The following TRAPPC5 variants were observed in gnomAD, a reference collection of about 807,000 sequenced individuals.
The protein encoded by TRAPPC5 is trafficking protein particle complex subunit 5, also known as trafficking protein particle complex 5.
In TRAPPC5, 5 loss-of-function variants were observed where a neutral mutation model predicts 9.8. The ratio of observed to expected loss-of-function variants is 0.51; its 90% CI spans 0.27 to 1.07. TRAPPC5 has a LOEUF of 1.07. TRAPPC5 is among the 50% of genes least tolerant of loss of function. TRAPPC5 has a pLI of 0.12. For synonymous variants in TRAPPC5, 146 were observed against 140.7 expected, an observed-to-expected ratio of 1.04 and a Z score of -0.26; for missense variants, 243 against 291.5, an observed-to-expected ratio of 0.83 and a Z score of 1.21.
Position 7,683,465 on chromosome 19 carries a change from C to A in TRAPPC5, c.*645C>A, listed in dbSNP as rs1159511134. Reference sequence around the variant, plus strand: ...GAACTCCTCATCTCAGGTGATCCGCCCACTTCAGCCTCCCAAAGTGCTGGG... The same window carrying A: ...GAACTCCTCATCTCAGGTGATCCGCACACTTCAGCCTCCCAAAGTGCTGGG... On this transcript the variant is annotated 3_prime_UTR_variant, in exon 2 of 2. Transcript: ENST00000596148. 6.6e-6 allele frequency: 1 copy of A among 152,348 alleles called. No individual in the cohort carries two copies. The highest frequency in any genetic ancestry group is 1.5e-5 in the Non-Finnish European group (1 of 68,336). The allele number at this position is 152,348 out of a possible 1,614,324, so 9.4% of individuals were successfully genotyped here.
rs1431018814 is a variant in TRAPPC5 at position 7,682,671 on chromosome 19, G to T, written c.418G>T (p.Ala140Ser). The T allele has an allele frequency of 1.2e-6, 2 of 1,613,704 alleles. No homozygotes were observed. Among genetic ancestry groups the T allele is most frequent in the African/African-American group, 1.3e-5 (1 of 74,920 alleles). Residue 140 changes from alanine to serine, a missense_variant, in exon 2 of 2, where the codon GCC becomes TCC. This residue lies in a region of TRAPPC5 where 154 missense variants were observed against 215.8 expected (regional missense o/e 0.71). Coordinates refer to ENST00000596148, the MANE Select transcript of TRAPPC5 (RefSeq NM_001042462.2). The surrounding 1 kb of genome is among the most constrained non-coding windows in gnomAD (Gnocchi z 8.6). ...VPKENSTLNC[A>S]SFTAGIVEAV... is the part of the protein sequence containing the mutation. ...CAAGGAGAACAGCACGCTCAACTGC[G>T]CCAGCTTCACGGCGGGCATCGTGGA...
Position 7,681,848 on chromosome 19 carries a change from C to T in TRAPPC5, c.-12-394C>T, listed in dbSNP as rs1386985309. Among the ~76,000 whole-genome samples the T allele has an allele frequency of 6.6e-6, 1 of 152,102 alleles. No individual in the cohort carries two copies. The highest frequency in any genetic ancestry group is 1.9e-4 in the East Asian group (1 of 5,178). On this transcript the variant is annotated intron_variant, in intron 1 of 1. Transcript: ENST00000596148. This position sits in a 1 kb window ranked among gnomAD's most constrained non-coding sequence, Gnocchi z 8.7. Reference sequence around the variant, plus strand: ...TCCCTGCCCTAGATCTGACGCCCCTCCCCCCATACACTAGTTTTCTAGTTA... The same window carrying T: ...TCCCTGCCCTAGATCTGACGCCCCTTCCCCCATACACTAGTTTTCTAGTTA...
rs61324102 is a variant in TRAPPC5, at chr19:7,686,809, T to C, written c.*3989T>C. On this transcript the variant is annotated 3_prime_UTR_variant, in exon 2 of 2. Coordinates refer to ENST00000596148, the MANE Select transcript of TRAPPC5 (RefSeq NM_001042462.2). The stretch of plus-strand genomic sequence containing the variant: ...ACAGGCGTGAGCCACCGCACCTGGC[T>C]GGCTTTTTCTCTTTTCTTCTTCTTT... The C allele has an allele frequency of 0.068, 10,242 of 151,564 alleles. 376 individuals are homozygous for C. Among genetic ancestry groups the C allele is most frequent in the Non-Finnish European group, 0.082 (5,574 of 67,996 alleles). The allele number at this position is 151,564 out of a possible 1,614,324, so 9.4% of individuals were successfully genotyped here. A position where few individuals can be genotyped will look rare whatever the true frequency, so the allele number is the denominator to read the frequency against.
rs545336038 is a variant in TRAPPC5, at chr19:7,687,567, C to A, written c.*4747C>A. 2 of 152,516 alleles carry A rather than the reference C, an allele frequency of 1.3e-5. No individual in the cohort carries two copies. Among genetic ancestry groups the A allele is most frequent in the East Asian group, 3.9e-4 (2 of 5,190 alleles). 9.4% of individuals were successfully genotyped at this position (152,516 alleles called of 1,614,324 possible). Reference sequence around the variant, plus strand: ...CTGGGTACTTCCATGAGTCAACTCACGCCCTCCCGGCCTCAGGGTGATCCA... The same window carrying A: ...CTGGGTACTTCCATGAGTCAACTCAAGCCCTCCCGGCCTCAGGGTGATCCA... On this transcript the variant is annotated 3_prime_UTR_variant, in exon 2 of 2. Transcript: ENST00000596148.
At position 7,682,345 on chromosome 19, in the gene TRAPPC5, T is replaced by C; in HGVS notation, c.92T>C (p.Leu31Pro). ...GAGGTGAGCCTGAGCGCCTTCGCACTGCTGTTCTCCGAGCTGGTACAGCAC... is the reference window on the plus strand; with the variant it reads ...GAGGTGAGCCTGAGCGCCTTCGCACCGCTGTTCTCCGAGCTGGTACAGCAC... ...RTEVSLSAFALLFSELVQHCQ... is the reference protein window; with the variant it reads ...RTEVSLSAFAPLFSELVQHCQ... Residue 31 changes from leucine (L) to proline (P), a missense_variant, in exon 2 of 2, where the codon CTG becomes CCG. Leu to Pro is a moderately conservative substitution (Grantham distance 98). Around this residue, in one of 2 missense-constraint regions of TRAPPC5, gnomAD observed 89 missense variants for 75.7 expected, o/e 1.18. Coordinates refer to ENST00000596148, the MANE Select transcript of TRAPPC5 (RefSeq NM_001042462.2). The surrounding 1 kb of genome is among the most constrained non-coding windows in gnomAD (Gnocchi z 8.6). The C allele has an allele frequency of 6.4e-7, 1 of 1,559,478 alleles. No homozygotes were observed. The highest frequency in any genetic ancestry group is 8.7e-7 in the Non-Finnish European group (1 of 1,154,186).
rs2032689905 is a variant in TRAPPC5 at position 7,684,247 on chromosome 19, T to C, written c.*1427T>C. 6.6e-6 allele frequency: 1 copy of C among 152,130 alleles called. No homozygotes were observed. 9.4% of individuals were successfully genotyped at this position (152,130 alleles called of 1,614,324 possible). A position where few individuals can be genotyped will look rare whatever the true frequency, so the allele number is the denominator to read the frequency against. ...AGATTGAGATGCAGGCTTTAGGGTATCAGAATCACCAGGAGGGGCCACGTG... is the reference window on the plus strand; with the variant it reads ...AGATTGAGATGCAGGCTTTAGGGTACCAGAATCACCAGGAGGGGCCACGTG... On this transcript the variant is annotated 3_prime_UTR_variant, in exon 2 of 2. Transcript: ENST00000596148.
intron 1 of TRAPPC5, 92 bp downstream of exon 1, chr19:7,680,970 G>C (rs1200621120): frequency 4.6e-5 from 7 of 152,160 alleles, no homozygotes; most frequent in Non-Finnish European, 1.0e-4. Context: ...CTGGGGTCTC[G>C]GCGTCCGCGA....
Position 7,685,261 on chromosome 19 carries a change from A to C in TRAPPC5, c.*2441A>C, listed in dbSNP as rs2032703382. 6.6e-6 allele frequency: 1 copy of C among 151,534 alleles called. No homozygotes were observed. The highest frequency in any genetic ancestry group is 1.5e-5 in the Non-Finnish European group (1 of 68,028). The allele number at this position is 151,534 out of a possible 1,614,324, so 9.4% of individuals were successfully genotyped here. ...ACTCCAGCCTGAGCAACAGAGTGAG[A>C]CCCTGTCTTAAAAAAGAAAAAAAAA... On this transcript the variant is annotated 3_prime_UTR_variant, in exon 2 of 2. Coordinates refer to ENST00000596148, the MANE Select transcript of TRAPPC5 (RefSeq NM_001042462.2).
rs2032636141 is a variant in TRAPPC5, at chr19:7,681,564, G to T, written c.-12-678G>T. Among the ~76,000 whole-genome samples, 1 of 152,080 alleles carries T rather than the reference G, an allele frequency of 6.6e-6. No individual in the cohort carries two copies. The highest frequency in any genetic ancestry group is 6.6e-5 in the Admixed American group (1 of 15,262). On this transcript the variant is annotated intron_variant, in intron 1 of 1. Transcript: ENST00000596148. This position sits in a 1 kb window ranked among gnomAD's most constrained non-coding sequence, Gnocchi z 8.7. ...CGAAGGGTTCCTGCGTGACACATCG[G>T]AGCTGCCTGCCTGAGGGCTTGGGGT...
In TRAPPC5 at chr19:7,680,835, G is replaced by A. The variant is rs1485367823; in HGVS notation, c.-56G>A. 1.3e-5 allele frequency: 2 copies of A among 152,206 alleles called. No individual in the cohort carries two copies. Among genetic ancestry groups the A allele is most frequent in the African/African-American group, 4.8e-5 (2 of 41,454 alleles). The allele number at this position is 152,206 out of a possible 1,614,324, so 9.4% of individuals were successfully genotyped here. A position where few individuals can be genotyped will look rare whatever the true frequency, so the allele number is the denominator to read the frequency against. On this transcript the variant is annotated 5_prime_UTR_variant, in exon 1 of 2. Transcript: ENST00000596148. The stretch of plus-strand genomic sequence containing the variant: ...CGCCTGCGCACGCAGCGCCTTTTAC[G>A]GCGCCGTAAAGCAGCTCGGCCGAGC...
Position 7,682,608 on chromosome 19 carries a change from G to C in TRAPPC5, c.355G>C (p.Glu119Gln), listed in dbSNP as rs1172348896. 1.2e-6 allele frequency: 2 copies of C among 1,612,844 alleles called. No individual in the cohort carries two copies. The highest frequency in any genetic ancestry group is 1.1e-5 in the South Asian group (1 of 91,090). ...TGACGCGCGCACCTTCTACATCATC[G>C]AGCGCGAGCCGCTCATCAACACCTA... ...NDDARTFYII[E>Q]REPLINTYIS... The change falls in exon 2 of 2, where the codon GAG becomes CAG. Residue 119 changes from glutamate (E) to glutamine (Q), a missense_variant. By Grantham distance (29) the Glu-to-Gln change is conservative (BLOSUM62 2). This residue lies in a region of TRAPPC5 where 154 missense variants were observed against 215.8 expected (regional missense o/e 0.71). Coordinates refer to ENST00000596148, the MANE Select transcript of TRAPPC5 (RefSeq NM_001042462.2). The surrounding 1 kb of genome is among the most constrained non-coding windows in gnomAD (Gnocchi z 8.6).
intron 1 of TRAPPC5, 100 bp downstream of exon 1, chr19:7,680,978 C>G (rs575336061): frequency 6.6e-6 from 1 of 152,264 alleles, no homozygotes; most frequent in Non-Finnish European, 1.5e-5. Context: ...TCGGCGTCCG[C>G]GATCCCGAGC....
chr19:7,686,325 A>C lies in TRAPPC5; in HGVS notation c.*3505A>C, dbSNP rs1341827826. Reference sequence around the variant, plus strand: ...GCCTGTGGTTCGGCAGCTTCTGATCACAGCAGCTCTAACTTACGGTGCTCT... The same window carrying C: ...GCCTGTGGTTCGGCAGCTTCTGATCCCAGCAGCTCTAACTTACGGTGCTCT... On this transcript the variant is annotated 3_prime_UTR_variant, in exon 2 of 2. Transcript: ENST00000596148. 1 of 152,366 alleles carries C rather than the reference A, an allele frequency of 6.6e-6. No individual in the cohort carries two copies. Among genetic ancestry groups the C allele is most frequent in the Admixed American group, 6.6e-5 (1 of 15,266 alleles). 9.4% of individuals were successfully genotyped at this position (152,366 alleles called of 1,614,324 possible). A position where few individuals can be genotyped will look rare whatever the true frequency, so the allele number is the denominator to read the frequency against.
Position 7,687,128 on chromosome 19 carries a change from AAG to A in TRAPPC5, c.*4315_*4316del, listed in dbSNP as rs1441624724. 6.6e-6 allele frequency: 1 copy of A among 152,522 alleles called. No individual in the cohort carries two copies. The highest frequency in any genetic ancestry group is 1.5e-5 in the Non-Finnish European group (1 of 68,274). The allele number at this position is 152,522 out of a possible 1,614,324, so 9.4% of individuals were successfully genotyped here. ...GGAAACTTCTGGAAAGGGGGCAGTG[AAG>A]AGAGAGCCCCGGGCGGAGGTGACTG... On this transcript the variant is annotated 3_prime_UTR_variant, in exon 2 of 2. Coordinates refer to ENST00000596148, the MANE Select transcript of TRAPPC5 (RefSeq NM_001042462.2).
In TRAPPC5 at chr19:7,684,130, G is replaced by T. The variant is rs963884277; in HGVS notation, c.*1310G>T. On this transcript the variant is annotated 3_prime_UTR_variant, in exon 2 of 2. Transcript: ENST00000596148. ...TCAGCAGTAGCAGCATCAACTGGGA[G>T]TTGGTCCATAATGCAGTCTCAGGCC... 6.6e-6 allele frequency: 1 copy of T among 152,214 alleles called. No homozygotes were observed. Among genetic ancestry groups the T allele is most frequent in the African/African-American group, 2.4e-5 (1 of 41,446 alleles). 9.4% of individuals were successfully genotyped at this position (152,214 alleles called of 1,614,324 possible).
rs771166688 is a variant in TRAPPC5, at chr19:7,682,411, G to T, written c.158G>T (p.Arg53Leu). The T allele has an allele frequency of 1.3e-6, 2 of 1,587,812 alleles. No homozygotes were observed. Among genetic ancestry groups the T allele is most frequent in the Admixed American group, 3.6e-5 (2 of 55,956 alleles). ...TTCTCCGTGGCCGAGCTGCAGTCGCGCCTGGCCGCGCTGGGCCGCCAGGTG... is the reference window on the plus strand; with the variant it reads ...TTCTCCGTGGCCGAGCTGCAGTCGCTCCTGGCCGCGCTGGGCCGCCAGGTG... ...RVFSVAELQSRLAALGRQVGA... is the reference protein window; with the variant it reads ...RVFSVAELQSLLAALGRQVGA... Residue 53 changes from arginine (R) to leucine (L), a missense_variant, in exon 2 of 2, where the codon CGC becomes CTC. By Grantham distance (102) the Arg-to-Leu change is moderately radical. This residue lies in a region of TRAPPC5 where 154 missense variants were observed against 215.8 expected (regional missense o/e 0.71). Transcript: ENST00000596148. The surrounding 1 kb of genome is among the most constrained non-coding windows in gnomAD (Gnocchi z 8.6).
In TRAPPC5 at chr19:7,683,620, G is replaced by A. The variant is rs1252638955; in HGVS notation, c.*800G>A. 6.6e-6 allele frequency: 1 copy of A among 151,570 alleles called. No homozygotes were observed. The highest frequency in any genetic ancestry group is 1.5e-5 in the Non-Finnish European group (1 of 67,914). 9.4% of individuals were successfully genotyped at this position (151,570 alleles called of 1,614,324 possible). On this transcript the variant is annotated 3_prime_UTR_variant, in exon 2 of 2. Transcript: ENST00000596148. Reference sequence around the variant, plus strand: ...CGTGTGCCTAGAAAACAGGCAGAGGGAGATTGTTTGCCTTCTTCCCTCATT... The same window carrying A: ...CGTGTGCCTAGAAAACAGGCAGAGGAAGATTGTTTGCCTTCTTCCCTCATT...
rs1390760555 is a variant in TRAPPC5 at position 7,683,026 on chromosome 19, AAAT to A, written c.*209_*211del. 3 of 590,210 alleles carry A rather than the reference AAAT, an allele frequency of 5.1e-6. No homozygotes were observed. The highest frequency in any genetic ancestry group is 5.9e-6 in the Non-Finnish European group (2 of 337,910). 36.6% of individuals were successfully genotyped at this position (590,210 alleles called of 1,614,324 possible). ...GAGTGAGACCAGGAGTGGTGGGGAG[AAAT>A]AAACCCGGCAAAAGGAGTTGGTGGG... On this transcript the variant is annotated 3_prime_UTR_variant, in exon 2 of 2. Coordinates refer to ENST00000596148, the MANE Select transcript of TRAPPC5 (RefSeq NM_001042462.2).
At position 7,687,358 on chromosome 19, in the gene TRAPPC5, C is replaced by T. The variant is rs56817372; in HGVS notation, c.*4538C>T. 4.8e-4 allele frequency: 73 copies of T among 152,576 alleles called. No individual in the cohort carries two copies. The highest frequency in any genetic ancestry group is 1.2e-3 in the Admixed American group (18 of 15,290). 9.5% of individuals were successfully genotyped at this position (152,576 alleles called of 1,614,324 possible). A position where few individuals can be genotyped will look rare whatever the true frequency, so the allele number is the denominator to read the frequency against. The stretch of plus-strand genomic sequence containing the variant: ...GACCCTGTGCTCCTGGCCTCCCTCC[C>T]GTGGCCTCCGGCATGGGTCGACCTT... On this transcript the variant is annotated 3_prime_UTR_variant, in exon 2 of 2. Transcript: ENST00000596148.
Sources: allele counts gnomAD v4.1 joint callset (sites outside exome capture counted in the v4.1 genomes callset), GRCh38; gene constraint gnomAD v4.1.1; regional missense constraint gnomAD v4.1.1; non-coding constraint Gnocchi (gnomAD v3.1); transcripts MANE v1.5; gene names NCBI Gene and HGNC (gene_info 2026-07-23, HGNC 2026-07-21).